FBXW7: variants seen among roughly 807,000 people sequenced by gnomAD.
The protein encoded by FBXW7 is F-box and WD repeat domain containing 7.
Under a neutral mutation model 86.3 loss-of-function variants are expected in FBXW7, and 11 were observed. The observed-to-expected ratio is 0.13, with a 90% CI of 0.08 to 0.21. The LOEUF (loss-of-function observed/expected upper bound fraction) is 0.21, where lower values mean the gene tolerates loss of function less well. FBXW7 is among the 10% of genes least tolerant of loss of function. The pLI is 1.00. For synonymous variants in FBXW7, 313 were observed against 297.9 expected, an observed-to-expected ratio of 1.05 and a Z score of -0.52; for missense variants, 488 against 847.4, an observed-to-expected ratio of 0.58 and a Z score of 5.27.
At chr4:152,430,590 T>C (rs556084733) in intron 2 of FBXW7, among the ~76,000 whole-genome samples, 3 of 152,134 alleles carry the variant, frequency 2.0e-5, no homozygotes, top group Non-Finnish European at 4.4e-5. Context: ...GTTATAATGT[T>C]ACTTGGTGTT....
intron 13 of FBXW7, chr4:152,323,921 C>G: frequency 2.8e-6 from 1 of 360,798 alleles, no homozygotes; most frequent in Non-Finnish European, 5.0e-6. Flanking sequence ...GATCTTTCTT[C>G]TCACTGTTCT....
chr4:152,428,580 A>G (rs1415028764), intron 2 of FBXW7, among the ~76,000 whole-genome samples: 13 of 152,170 alleles, frequency 8.5e-5, no homozygotes, highest in Non-Finnish European at 7.3e-5. Context: ...CAGGTTCTGA[A>G]CCTCATTTCT....
At chr4:152,500,385 T>C (rs563643284) in intron 2 of FBXW7, among the ~76,000 whole-genome samples, 2 of 151,372 alleles carry the variant, frequency 1.3e-5, no homozygotes, top group East Asian at 3.9e-4. Flanking sequence ...CTCTGATAAC[T>C]GCACCATACC....
intron 7 of FBXW7, among the ~76,000 whole-genome samples, chr4:152,334,984 T>C (rs1729928201): frequency 6.6e-6 from 1 of 152,192 alleles, no homozygotes; most frequent in Admixed American, 6.5e-5. Flanking sequence ...ACAAATACGC[T>C]GTCAACAAGG....
At chr4:152,340,285 T>C (rs1392831443) in intron 6 of FBXW7, among the ~76,000 whole-genome samples, 1 of 152,116 alleles carries the variant, frequency 6.6e-6, no homozygotes, top group Non-Finnish European at 1.5e-5. Context: ...TTAAAAAGTA[T>C]ACCACTGATA....
intron 2 of FBXW7, among the ~76,000 whole-genome samples, chr4:152,522,981 T>C (rs1056838148): frequency 4.6e-5 from 7 of 152,244 alleles, no homozygotes; most frequent in African/African-American, 1.7e-4. Flanking sequence ...ACTTGAAAAG[T>C]AGTATTTTGA....
chr4:152,422,603 C>A (rs567871125), intron 2 of FBXW7, among the ~76,000 whole-genome samples: 3 of 152,108 alleles, frequency 2.0e-5, no homozygotes, highest in Non-Finnish European at 4.4e-5. Context: ...TTTTAAAAAA[C>A]TACTTCCTTT....
intron 4 of FBXW7, among the ~76,000 whole-genome samples, chr4:152,364,890 T>C (rs1407287894): frequency 1.3e-5 from 2 of 152,180 alleles, no homozygotes; most frequent in East Asian, 1.9e-4. Flanking sequence ...CAGATTTACA[T>C]GGTTATTTCA....
At chr4:152,416,486 T>C (rs1193787307) in intron 2 of FBXW7, among the ~76,000 whole-genome samples, 1 of 152,190 alleles carries the variant, frequency 6.6e-6, no homozygotes, top group African/African-American at 2.4e-5. Flanking sequence ...ACTAAAAAGA[T>C]TAATACTTCG....
intron 2 of FBXW7, among the ~76,000 whole-genome samples, chr4:152,480,956 TCTAA>T (rs1161720782): frequency 6.6e-6 from 1 of 152,174 alleles, no homozygotes; most frequent in East Asian, 1.9e-4. Flanking sequence ...ATCTAGAAGA[TCTAA>T]CTAAGATCAC....
chr4:152,386,338 G>C (rs1229470128), intron 4 of FBXW7, among the ~76,000 whole-genome samples: 2 of 151,940 alleles, frequency 1.3e-5, no homozygotes, highest in African/African-American at 4.8e-5. Flanking sequence ...CGTGTCTCAA[G>C]TTCACCTAGG....
chr4:152,501,323 T>C (rs1022548363), intron 2 of FBXW7, among the ~76,000 whole-genome samples: 22 of 152,200 alleles, frequency 1.4e-4, no homozygotes, highest in Non-Finnish European at 8.8e-5. Flanking sequence ...TTATGCTTCA[T>C]AGGATTTTTA....
rs1329247833 is a variant in FBXW7, at chr4:152,535,384, A to G, written c.-470T>C. On this transcript the variant is annotated 5_prime_UTR_variant, in exon 1 of 14. Transcript: ENST00000281708. ...GGCCGGCGACTGGCCAAGGGAGAAG[A>G]CCCCCGGAGGGGGCTGAGGGGAGGG... 7 of 377,642 alleles carry G rather than the reference A, an allele frequency of 1.9e-5. No individual in the cohort carries two copies. The highest frequency in any genetic ancestry group is 2.8e-5 in the Non-Finnish European group (6 of 213,550). The allele number at this position is 377,642 out of a possible 1,614,324, so 23.4% of individuals were successfully genotyped here.
intron 2 of FBXW7, among the ~76,000 whole-genome samples, chr4:152,445,937 A>AAAC (rs1741348258): frequency 7.5e-6 from 1 of 132,456 alleles, no homozygotes; most frequent in African/African-American, 3.0e-5. Context: ...AAAAAAAAAA[A>AAAC]AAAAACCAAA....
intron 2 of FBXW7, among the ~76,000 whole-genome samples, chr4:152,527,177 G>A (rs1225719593): frequency 1.3e-5 from 2 of 152,170 alleles, no homozygotes; most frequent in Non-Finnish European, 2.9e-5. Context: ...CCATCAACAG[G>A]TGATGCCACC....
At chr4:152,397,296 C>T (rs558538564) in intron 4 of FBXW7, among the ~76,000 whole-genome samples, 1 of 152,068 alleles carries the variant, frequency 6.6e-6, no homozygotes, top group African/African-American at 2.4e-5. Context: ...TTAGCCAAGG[C>T]CCTACTTAGA....
chr4:152,521,809 A>ATTTTT (rs575881137), intron 2 of FBXW7, among the ~76,000 whole-genome samples: 15 of 100,742 alleles, frequency 1.5e-4, no homozygotes, highest in South Asian at 6.7e-4. Context: ...TAAGGGTCCA[A>ATTTTT]TTTTTTTTTT....
chr4:152,408,927 A>C (rs1022482057), intron 4 of FBXW7, among the ~76,000 whole-genome samples: 1 of 152,108 alleles, frequency 6.6e-6, no homozygotes, highest in Non-Finnish European at 1.5e-5. Context: ...ACTTCCCTTG[A>C]CTTTTAACAT....
intron 2 of FBXW7, among the ~76,000 whole-genome samples, chr4:152,452,819 TAATA>T (rs1742030314): frequency 6.6e-6 from 1 of 152,172 alleles, no homozygotes; most frequent in East Asian, 1.9e-4. Context: ...TGCCTTGCAG[TAATA>T]AATAAATTAG....
Sources: gnomAD v4.1 joint callset for allele counts (sites outside exome capture counted in the v4.1 genomes callset) on GRCh38, gnomAD v4.1.1 for gene constraint, MANE v1.5 for transcripts, NCBI Gene and HGNC (gene_info 2026-07-23, HGNC 2026-07-21) for gene names.